GRIK2: variants seen among roughly 807,000 people sequenced by gnomAD.
GRIK2 encodes glutamate ionotropic receptor kainate type subunit 2.
Under a neutral mutation model 100.3 loss-of-function variants are expected in GRIK2, and 32 were observed. That is an observed-to-expected ratio of 0.32 (90% CI 0.24 to 0.43). The LOEUF is 0.43. GRIK2 is among the 20% of genes least tolerant of loss of function. The pLI is 1.00. For missense variants in GRIK2, 843 were observed against 1,114.9 expected, an observed-to-expected ratio of 0.76 and a Z score of 3.47; for synonymous variants, 417 against 389.4, an observed-to-expected ratio of 1.07 and a Z score of -0.83.
At chr6:101,941,555 T>C (rs180721791) in intron 14 of GRIK2, among the ~76,000 whole-genome samples, 2 of 152,192 alleles carry the variant, frequency 1.3e-5, no homozygotes, top group East Asian at 3.9e-4. Flanking sequence ...TAGAGTCAAA[T>C]GTTCAATACA....
At chr6:101,681,605 T>G (rs932644963) in intron 5 of GRIK2, among the ~76,000 whole-genome samples, 33 of 152,114 alleles carry the variant, frequency 2.2e-4, no homozygotes, top group Non-Finnish European at 4.0e-4. Flanking sequence ...ACAATTAAAT[T>G]ATTATTGACT....
chr6:101,832,110 G>A (rs1318674466), intron 10 of GRIK2, among the ~76,000 whole-genome samples: 1 of 151,570 alleles, frequency 6.6e-6, no homozygotes, highest in Admixed American at 6.6e-5. Flanking sequence ...GAAAATAAAT[G>A]CAGTATAAAG....
At chr6:101,582,481 C>A (rs759115106) in intron 2 of GRIK2, among the ~76,000 whole-genome samples, 19 of 152,102 alleles carry the variant, frequency 1.2e-4, no homozygotes, top group Non-Finnish European at 2.1e-4. Flanking sequence ...TGAAGAGGTG[C>A]CTTCTGCCAT....
At chr6:101,478,714 C>T (rs770378569) in intron 2 of GRIK2, among the ~76,000 whole-genome samples, 12 of 151,384 alleles carry the variant, frequency 7.9e-5, no homozygotes, top group African/African-American at 1.2e-4. Context: ...TTAGTAAAGA[C>T]GGGGTTTCAC....
At chr6:101,598,512 T>A (rs982090664) in intron 2 of GRIK2, among the ~76,000 whole-genome samples, 34 of 149,976 alleles carry the variant, frequency 2.3e-4, no homozygotes, top group African/African-American at 8.1e-4. Flanking sequence ...GTAAAGCATT[T>A]AGAAAAGCAT....
intron 5 of GRIK2, among the ~76,000 whole-genome samples, chr6:101,681,140 G>A (rs1228644355): frequency 1.3e-5 from 2 of 152,002 alleles, no homozygotes; most frequent in East Asian, 1.9e-4. Context: ...TAATTGTTGT[G>A]GGTACATAGT....
At position 101,678,169 on chromosome 6, in the gene GRIK2, G is replaced by A. The variant is rs1019441476; in HGVS notation, c.723+1365G>A. ...TTTGGCTGCTTTCTCTAGGCTTCTA[G>A]TAAGTATGTAAATGATCAGCTGTCT... is the stretch of plus-strand genomic sequence containing the variant. On this transcript the variant is annotated intron_variant, in intron 5 of 16. Transcript: ENST00000369134. Among the ~76,000 whole-genome samples the A allele has an allele frequency of 2.0e-5, 3 of 152,182 alleles. No individual in the cohort carries two copies. In the South Asian group the frequency reaches 6.2e-4, roughly 32 times the overall value.
At chr6:101,517,675 A>C (rs191248515) in intron 2 of GRIK2, among the ~76,000 whole-genome samples, 81 of 152,270 alleles carry the variant, frequency 5.3e-4, no homozygotes, top group Admixed American at 1.4e-3. Context: ...AGTAGGCAAA[A>C]ACATATTTGA....
At chr6:102,046,443 A>G (rs968215598) in intron 15 of GRIK2, among the ~76,000 whole-genome samples, 1 of 151,998 alleles carries the variant, frequency 6.6e-6, no homozygotes, top group African/African-American at 2.4e-5. Flanking sequence ...TTCTTGTGAT[A>G]GTGAGTGAGT....
intron 4 of GRIK2, among the ~76,000 whole-genome samples, chr6:101,659,084 A>G (rs973903637): frequency 6.6e-6 from 1 of 152,032 alleles, no homozygotes; most frequent in Non-Finnish European, 1.5e-5. Context: ...GGTGTTTTAG[A>G]CATGAAGTCT....
At chr6:102,035,587 T>G in intron 15 of GRIK2, 21 bp downstream of exon 15, 1 of 1,306,166 alleles carries the variant, frequency 7.7e-7, no homozygotes, top group Non-Finnish European at 1.1e-6. Flanking sequence ...TGTCAGCTCT[T>G]TGTTCTTTGT....
chr6:101,885,620 A>G (rs1319206269), intron 11 of GRIK2, among the ~76,000 whole-genome samples: 1 of 152,104 alleles, frequency 6.6e-6, no homozygotes, highest in African/African-American at 2.4e-5. Flanking sequence ...AGCTATTACT[A>G]TGATATTCAT....
intron 14 of GRIK2, among the ~76,000 whole-genome samples, chr6:102,033,580 G>A (rs973575985): frequency 2.6e-5 from 4 of 151,346 alleles, no homozygotes; most frequent in Non-Finnish European, 4.4e-5. Context: ...CATTTGTGGA[G>A]TGAGGGTGTA....
chr6:102,065,385 T>C (rs944452497), intron 16 of GRIK2, among the ~76,000 whole-genome samples: 1 of 151,338 alleles, frequency 6.6e-6, no homozygotes. Context: ...GTTTTAAATG[T>C]TCTTATTTGT....
At chr6:101,933,405 C>T (rs1790412354) in intron 14 of GRIK2, among the ~76,000 whole-genome samples, 1 of 151,910 alleles carries the variant, frequency 6.6e-6, no homozygotes, top group Non-Finnish European at 1.5e-5. Flanking sequence ...TTACATGTAG[C>T]TAAAACTAGC....
intron 11 of GRIK2, among the ~76,000 whole-genome samples, chr6:101,862,075 T>G (rs1004772675): frequency 6.6e-5 from 10 of 152,132 alleles, no homozygotes; most frequent in Non-Finnish European, 1.2e-4. Context: ...TTTTAGAACT[T>G]AAATGATGCT....
chr6:101,814,291 A>T (rs1179201295), intron 9 of GRIK2, among the ~76,000 whole-genome samples: 1 of 152,124 alleles, frequency 6.6e-6, no homozygotes, highest in Admixed American at 6.6e-5. Context: ...TAAGGCACTA[A>T]TTATAAAAAA....
At position 101,756,058 on chromosome 6, in the gene GRIK2, T is replaced by TC. The variant is rs993452939; in HGVS notation, c.952-43583dup. ...CTTTTATAGGTGGTATAAAACTCCC[T>TC]CCCCCCCAGGTTTTGTGTTGTTTAA... is the stretch of plus-strand genomic sequence containing the variant. On this transcript the variant is annotated intron_variant, in intron 7 of 16. Coordinates refer to ENST00000369134, the MANE Select transcript of GRIK2 (RefSeq NM_021956.5). 1.1e-4 allele frequency among the ~76,000 whole-genome samples: 16 copies of TC among 152,130 alleles called. 1 individual carries two copies. The East Asian group carries it at 1.5e-3, about 15-fold the overall frequency.
chr6:101,933,090 G>A lies in GRIK2; in HGVS notation c.2085+4458G>A, dbSNP rs750156281. Among the ~76,000 whole-genome samples the A allele has an allele frequency of 6.2e-4, 94 of 151,896 alleles. 1 individual carries two copies. The highest frequency in any genetic ancestry group is 1.8e-4 in the Non-Finnish European group (12 of 67,882). On this transcript the variant is annotated intron_variant, in intron 14 of 16. Coordinates refer to ENST00000369134, the MANE Select transcript of GRIK2 (RefSeq NM_021956.5). ...TTTATCCAAATGAGAAAATCTACAA[G>A]GTATTGCCTTGACTTTTTTAGAGGT...
Sources: gnomAD v4.1 joint callset for allele counts (sites outside exome capture counted in the v4.1 genomes callset) on GRCh38, gnomAD v4.1.1 for gene constraint, MANE v1.5 for transcripts, NCBI Gene and HGNC (gene_info 2026-07-23, HGNC 2026-07-21) for gene names.